ERAP1: variants seen among roughly 807,000 people sequenced by gnomAD.
ERAP1 encodes the protein endoplasmic reticulum aminopeptidase 1, also known as adipocyte-derived leucine aminopeptidase.
A neutral mutation model predicts 103.7 loss-of-function variants in ERAP1; 86 were observed. That is an observed-to-expected ratio of 0.83 (90% CI 0.70 to 0.99). The LOEUF (loss-of-function observed/expected upper bound fraction) is 0.99, where lower values mean the gene tolerates loss of function less well. Among genes scored for constraint, ERAP1 ranks in the 50% least tolerant of loss-of-function variants. The probability of loss-of-function intolerance (pLI) is 0.00; values close to 1 mark genes in which losing one functional copy is unlikely to be tolerated. For synonymous variants in ERAP1, 398 were observed against 402.4 expected, an observed-to-expected ratio of 0.99 and a Z score of 0.13; for missense variants, 1,009 against 1,128.4, an observed-to-expected ratio of 0.89 and a Z score of 1.52.
chr5:96,863,844 A>AT, the ERAP1 span, among the ~76,000 whole-genome samples: 2 of 133,532 alleles, frequency 1.5e-5, no homozygotes, highest in African/African-American at 3.1e-5. Flanking sequence ...TAGAAATCTT[A>AT]TTTAAAAAAA....
Position 96,762,466 on chromosome 5 carries a change from C to G in ERAP1, c.*734G>C, listed in dbSNP as rs181120550. The G allele has an allele frequency of 1.5e-5, 12 of 811,046 alleles. No homozygotes were observed. The Admixed American group carries it at 3.5e-4, about 24-fold the overall frequency. The allele number at this position is 811,046 out of a possible 1,614,324, so 50.2% of individuals were successfully genotyped here. A position where few individuals can be genotyped will look rare whatever the true frequency, so the allele number is the denominator to read the frequency against. On this transcript the variant is annotated 3_prime_UTR_variant, in exon 20 of 20. Coordinates refer to the ERAP1 transcript ENST00000296754. ...CCTGTTTAAAGCAAATGAAAATAGG[C>G]AGAATTATTAGGAAGATCAGGCACC...
rs1459468145 is a variant in ERAP1 at position 96,795,115 on chromosome 5, T to G, written c.846A>C (p.Ala282=). 1 of 1,613,848 alleles carries G rather than the reference T, an allele frequency of 6.2e-7. No individual in the cohort carries two copies. The highest frequency in any genetic ancestry group is 2.2e-5 in the East Asian group (1 of 44,886). ...CTAGAAGAGTCACCGCAGCATCCAGTGCATAATCTGCTTGATTTATCTTGT... is the reference window on the plus strand; with the variant it reads ...CTAGAAGAGTCACCGCAGCATCCAGGGCATAATCTGCTTGATTTATCTTGT... The part of the protein sequence containing the change: ...VPDKINQADY[A]LDAAVTLLEF... The change falls in exon 5 of 19, where the codon GCA becomes GCC. Residue 282 remains alanine, a synonymous_variant. Transcript: ENST00000443439.
At chr5:96,884,131 T>C in the ERAP1 span, among the ~76,000 whole-genome samples, 7 of 136,754 alleles carry the variant, frequency 5.1e-5, no homozygotes, top group African/African-American at 1.9e-4. Context: ...GTTTGGGGCA[T>C]TGTTACACAG....
chr5:96,797,031 C>CT (rs1189140824), intron 4 of ERAP1, 144 bp downstream of exon 4: 1 of 903,084 alleles, frequency 1.1e-6, no homozygotes, highest in Non-Finnish European at 1.8e-6. Context: ...TCAAGTGATT[C>CT]TTCCACCTCA....
At chr5:96,807,729 T>C in intron 1 of ERAP1, 131 bp downstream of exon 1, 1 of 584,130 alleles carries the variant, frequency 1.7e-6, no homozygotes, top group Non-Finnish European at 2.2e-6. Context: ...GTCTCCCTCC[T>C]CCCGTGCCCC....
chr5:96,795,274 T>A, intron 4 of ERAP1, 112 bp from the exon 5 acceptor site: 2 of 1,387,850 alleles, frequency 1.4e-6, no homozygotes, highest in South Asian at 2.4e-5. Flanking sequence ...GTTGCCAATA[T>A]TAAAGAAAAT....
chr5:96,905,562 C>T, the ERAP1 span, among the ~76,000 whole-genome samples: 1 of 152,134 alleles, frequency 6.6e-6, no homozygotes, highest in Admixed American at 6.5e-5. Context: ...AAACCACTTT[C>T]CTCCCTGCTT....
the ERAP1 span, among the ~76,000 whole-genome samples, chr5:96,910,623 C>T: frequency 6.6e-6 from 1 of 152,136 alleles, no homozygotes; most frequent in East Asian, 1.9e-4. Context: ...TAATCTTAAC[C>T]TGCAGTAACC....
At chr5:96,873,759 T>C in the ERAP1 span, 31 of 317,866 alleles carry the variant, frequency 9.8e-5, no homozygotes, top group Admixed American at 2.9e-4. Flanking sequence ...GGGTCTCTTA[T>C]ATGGCAGGCT....
At chr5:96,879,598 C>G in the ERAP1 span, 1 of 990,710 alleles carries the variant, frequency 1.0e-6, no homozygotes, top group Non-Finnish European at 1.6e-6. Flanking sequence ...TGTTCAGACC[C>G]CATGTGACAT....
chr5:96,889,274 C>T, the ERAP1 span: 1 of 1,613,860 alleles, frequency 6.2e-7, no homozygotes, highest in South Asian at 1.1e-5. Context: ...ATGAAAAGTA[C>T]TTTGATATCT....
chr5:96,849,412 A>G, the ERAP1 span, among the ~76,000 whole-genome samples: 1 of 152,238 alleles, frequency 6.6e-6, no homozygotes, highest in Non-Finnish European at 1.5e-5. Flanking sequence ...AAACAAATTG[A>G]GTAAAGTAGC....
At chr5:96,899,099 T>A in the ERAP1 span, among the ~76,000 whole-genome samples, 8 of 152,184 alleles carry the variant, frequency 5.3e-5, no homozygotes, top group African/African-American at 1.7e-4. Context: ...TTTTGTCACA[T>A]CATGCTTATA....
the ERAP1 span, among the ~76,000 whole-genome samples, chr5:96,838,899 A>C: frequency 2.0e-5 from 3 of 152,202 alleles, no homozygotes; most frequent in African/African-American, 7.2e-5. Context: ...TTAAGGGCAC[A>C]ATCTCCTATA....
chr5:96,829,756 T>C, the ERAP1 span, among the ~76,000 whole-genome samples: 4 of 152,216 alleles, frequency 2.6e-5, no homozygotes, highest in Non-Finnish European at 5.9e-5. Flanking sequence ...GTATATAATT[T>C]ATGCTTAGAG....
In ERAP1 at chr5:96,793,943, G is replaced by A; in HGVS notation, c.934C>T (p.Pro312Ser). The change falls in exon 6 of 19, where the codon CCC (proline) becomes TCC (serine). Residue 312 changes from proline (P) to serine (S), a missense_variant. Physicochemically the swap from Pro to Ser is moderately conservative, Grantham distance 74. Transcript: ENST00000443439. Reference protein sequence around the residue: ...PLPKQDLAAIPDFQSGAMENW... With the variant: ...PLPKQDLAAISDFQSGAMENW... ...TCCATAGCACCAGACTGAAAGTCGG[G>A]AATAGCAGCAAGATCTTGGGAAGGA... The A allele has an allele frequency of 1.2e-6, 2 of 1,614,080 alleles. No individual in the cohort carries two copies. Among genetic ancestry groups the A allele is most frequent in the Non-Finnish European group, 1.7e-6 (2 of 1,179,972 alleles).
the ERAP1 span, among the ~76,000 whole-genome samples, chr5:96,827,388 G>A: frequency 1.3e-5 from 2 of 152,190 alleles, no homozygotes. Flanking sequence ...TAGGCTGGGC[G>A]CGATGGCTCA....
At chr5:96,780,355 C>T in intron 18 of ERAP1, 68 bp downstream of exon 18, 1 of 1,155,192 alleles carries the variant, frequency 8.7e-7, no homozygotes, top group East Asian at 2.7e-5. Flanking sequence ...AGTATTTTGT[C>T]TACCCCATAT....
rs60859205 is a variant in ERAP1 at position 96,783,846 on chromosome 5, CACACACACAT to C, written c.2100+68_2100+77del. 0.011 allele frequency: 4,385 copies of C among 398,290 alleles called. 213 individuals are homozygous for C. The African/African-American group carries it at 0.15, about 14-fold the overall frequency. The allele number at this position is 398,290 out of a possible 1,614,324, so 24.7% of individuals were successfully genotyped here. On this transcript the variant is annotated intron_variant, in intron 14 of 18. Transcript: ENST00000443439. ...ACACACACACACACACACACACACA[CACACACACAT>C]ACACACACAATGATTAACACTTTTT...
Sources: gnomAD v4.1 joint callset for allele counts (sites outside exome capture counted in the v4.1 genomes callset) on GRCh38, gnomAD v4.1.1 for gene constraint, MANE v1.5 for transcripts, NCBI Gene and HGNC (gene_info 2026-07-23, HGNC 2026-07-21) for gene names.